Variants in KHDRBS2 observed in about 807,000 individuals in gnomAD.
The protein encoded by KHDRBS2 is KH domain-containing, RNA-binding, signal transduction-associated protein 2.
KHDRBS2 carries 26 observed loss-of-function variants against 44.3 expected under a neutral mutation model. The ratio of observed to expected loss-of-function variants is 0.59; its 90% CI spans 0.43 to 0.81. The LOEUF is 0.81. Ranked by LOEUF, KHDRBS2 falls within the 40% of genes least tolerant of loss-of-function variation. The pLI is 0.00. For missense variants in KHDRBS2, 476 were observed against 433.1 expected (o/e 1.10, Z -0.88); for synonymous variants, 194 against 151.1 (o/e 1.28, Z -2.08).
At chr6:61,930,222 C>T (rs1583563191) in intron 4 of KHDRBS2, among the ~76,000 whole-genome samples, 1 of 152,106 alleles carries the variant, frequency 6.6e-6, no homozygotes, top group Non-Finnish European at 1.5e-5. Flanking sequence ...TGATATTAAA[C>T]TCCCCAGGCT....
intron 2 of KHDRBS2, among the ~76,000 whole-genome samples, chr6:62,106,788 A>G (rs1803473377): frequency 6.6e-6 from 1 of 152,248 alleles, no homozygotes; most frequent in African/African-American, 2.4e-5. Context: ...CTGGTTCAGT[A>G]TACACAAATC....
chr6:62,029,198 T>G (rs1296095518), intron 3 of KHDRBS2, among the ~76,000 whole-genome samples: 1 of 151,980 alleles, frequency 6.6e-6, no homozygotes, highest in Non-Finnish European at 1.5e-5. Flanking sequence ...TTTAACAATG[T>G]TAAATTAACA....
chr6:61,921,568 T>C (rs952960357), intron 4 of KHDRBS2, among the ~76,000 whole-genome samples: 2 of 152,010 alleles, frequency 1.3e-5, no homozygotes, highest in Non-Finnish European at 2.9e-5. Context: ...TAAATTCTTT[T>C]AGAAGTTAAT....
At chr6:61,615,834 A>G in the KHDRBS2 span, among the ~76,000 whole-genome samples, 3 of 152,226 alleles carry the variant, frequency 2.0e-5, no homozygotes, top group Admixed American at 2.0e-4. Flanking sequence ...TGGATAAGCA[A>G]TACTCAACCT....
chr6:61,975,726 T>C (rs1175572661), intron 4 of KHDRBS2, among the ~76,000 whole-genome samples: 1 of 147,946 alleles, frequency 6.8e-6, no homozygotes, highest in East Asian at 2.0e-4. Context: ...ATGCGGAAAA[T>C]AAGTGAAAAG....
In KHDRBS2 at chr6:62,245,470, T is replaced by C. The variant is rs545849843; in HGVS notation, c.91+40388A>G. Among the ~76,000 whole-genome samples the C allele has an allele frequency of 2.0e-5, 3 of 152,270 alleles. No individual in the cohort carries two copies. The South Asian group carries it at 6.2e-4, about 32-fold the overall frequency. On this transcript the variant is annotated intron_variant, in intron 1 of 8. Coordinates refer to ENST00000281156, the MANE Select transcript of KHDRBS2 (RefSeq NM_152688.4). ...TTATGTTTGATTTTCTTTCTGTTTC[T>C]ACTTCAAGCAATTTTAGTTGGCCAT...
intron 3 of KHDRBS2, among the ~76,000 whole-genome samples, chr6:61,982,806 C>T (rs1774136675): frequency 6.6e-6 from 1 of 151,936 alleles, no homozygotes; most frequent in African/African-American, 2.4e-5. Flanking sequence ...CCTCAGTAGA[C>T]TAAGAAAGGG....
At chr6:62,116,320 T>C (rs1365814272) in intron 2 of KHDRBS2, among the ~76,000 whole-genome samples, 1 of 152,130 alleles carries the variant, frequency 6.6e-6, no homozygotes, top group African/African-American at 2.4e-5. Flanking sequence ...TAACTGCAAC[T>C]TGGTCCTCTT....
At chr6:61,550,675 A>G in the KHDRBS2 span, among the ~76,000 whole-genome samples, 1 of 151,756 alleles carries the variant, frequency 6.6e-6, no homozygotes, top group Non-Finnish European at 1.5e-5. Flanking sequence ...CAAGAGCAGC[A>G]TATAAGTATT....
At chr6:61,830,565 A>G (rs1791627873) in intron 6 of KHDRBS2, among the ~76,000 whole-genome samples, 1 of 152,210 alleles carries the variant, frequency 6.6e-6, no homozygotes, top group African/African-American at 2.4e-5. Flanking sequence ...TACAGAATTT[A>G]GTTTTGAAGC....
chr6:62,105,655 G>A (rs1053256134), intron 2 of KHDRBS2, among the ~76,000 whole-genome samples: 3 of 152,060 alleles, frequency 2.0e-5, no homozygotes, highest in Non-Finnish European at 4.4e-5. Context: ...GTGTCTATTT[G>A]ATTCTTCTCT....
chr6:62,208,436 T>G (rs1159877324), intron 1 of KHDRBS2, among the ~76,000 whole-genome samples: 3 of 152,174 alleles, frequency 2.0e-5, no homozygotes, highest in Admixed American at 2.0e-4. Context: ...AAAATATTAT[T>G]GTATATGTAC....
At chr6:62,183,212 T>C (rs576533738) in intron 1 of KHDRBS2, among the ~76,000 whole-genome samples, 1 of 151,912 alleles carries the variant, frequency 6.6e-6, no homozygotes, top group African/African-American at 2.4e-5. Flanking sequence ...TTGAGGCTCA[T>C]ATTTTTAAAT....
the KHDRBS2 span, among the ~76,000 whole-genome samples, chr6:61,543,516 C>T: frequency 1.3e-5 from 2 of 151,940 alleles, no homozygotes; most frequent in South Asian, 4.1e-4. Flanking sequence ...ATTAGTACAA[C>T]CACTATGGAG....
chr6:62,178,712 T>G (rs1221050040), intron 1 of KHDRBS2, among the ~76,000 whole-genome samples: 2 of 151,550 alleles, frequency 1.3e-5, no homozygotes, highest in Non-Finnish European at 3.0e-5. Context: ...AAAAATTACC[T>G]TTATGTTTTT....
chr6:61,588,174 T>G, the KHDRBS2 span, among the ~76,000 whole-genome samples: 1 of 152,342 alleles, frequency 6.6e-6, no homozygotes, highest in East Asian at 1.9e-4. Context: ...TGGATTATCC[T>G]AATTATGATT....
chr6:61,776,032 T>A lies in KHDRBS2; in HGVS notation c.811-43268A>T, dbSNP rs1319446394. On this transcript the variant is annotated intron_variant, in intron 6 of 8. Transcript: ENST00000281156. The stretch of plus-strand genomic sequence containing the variant: ...CTTTGACAAACCTGAGAAAAACAAG[T>A]AATGGGGAAAGGATTCCCTATTTAA... Among the ~76,000 whole-genome samples the A allele has an allele frequency of 2.1e-4, 32 of 151,820 alleles. No individual in the cohort carries two copies. The South Asian group carries it at 6.7e-3, about 32-fold the overall frequency.
chr6:61,992,124 T>C (rs1260772238), intron 3 of KHDRBS2, among the ~76,000 whole-genome samples: 5 of 152,192 alleles, frequency 3.3e-5, no homozygotes, highest in African/African-American at 9.7e-5. Context: ...GCAGAAAATA[T>C]ATACTGTTGC....
chr6:61,786,267 G>T (rs536515562), intron 6 of KHDRBS2, among the ~76,000 whole-genome samples: 1 of 151,954 alleles, frequency 6.6e-6, no homozygotes, highest in South Asian at 2.1e-4. Flanking sequence ...TAATCAAACC[G>T]CATCTTCTGA....
Sources: allele counts gnomAD v4.1 joint callset (sites outside exome capture counted in the v4.1 genomes callset), GRCh38; gene constraint gnomAD v4.1.1; transcripts MANE v1.5; gene names NCBI Gene and HGNC (gene_info 2026-07-23, HGNC 2026-07-21).